Variants in PTPRN2 observed in about 807,000 individuals in gnomAD.
The protein encoded by PTPRN2 is protein tyrosine phosphatase receptor type N2, also known as receptor-type tyrosine-protein phosphatase N2.
Under a neutral mutation model 118.8 loss-of-function variants are expected in PTPRN2, and 74 were observed. The observed-to-expected ratio is 0.62, with a 90% CI of 0.52 to 0.76. The LOEUF (loss-of-function observed/expected upper bound fraction) is 0.76. Among genes scored for constraint, PTPRN2 ranks in the 30% least tolerant of loss-of-function variants. PTPRN2 has a pLI of 0.00. For missense variants in PTPRN2, 1,481 were observed against 1,394.4 expected (o/e 1.06, Z -0.99); for synonymous variants, 641 against 608.0 (o/e 1.05, Z -0.80).
At chr7:157,697,539 G>A (rs13311848) in intron 12 of PTPRN2, among the ~76,000 whole-genome samples, 41 of 104,992 alleles carry the variant, frequency 3.9e-4, no homozygotes, top group Middle Eastern at 0.014. Context: ...ACTGGATCTT[G>A]GCAGAGCCCT....
chr7:157,616,639 G>C (rs1802790680), intron 15 of PTPRN2: 1 of 152,080 alleles, frequency 6.6e-6, no homozygotes, highest in Admixed American at 6.5e-5. Context: ...GCCAGGCTGG[G>C]AGTCTCTCTC....
intron 11 of PTPRN2, among the ~76,000 whole-genome samples, chr7:158,077,436 A>G (rs1398223065): frequency 6.6e-6 from 1 of 152,208 alleles, no homozygotes; most frequent in Non-Finnish European, 1.5e-5. Context: ...TGGCAGCTGA[A>G]TGCCGTGTCT....
At chr7:158,385,893 C>T (rs1292516404) in intron 2 of PTPRN2, among the ~76,000 whole-genome samples, 3 of 151,404 alleles carry the variant, frequency 2.0e-5, no homozygotes, top group Admixed American at 2.0e-4. Context: ...GCCCCGAGTC[C>T]CTCCTTCCGT....
At position 157,596,070 on chromosome 7, in the gene PTPRN2, C is replaced by T. The variant is rs985546132; in HGVS notation, c.2419-755G>A. 1.3e-5 allele frequency among the ~76,000 whole-genome samples: 2 copies of T among 152,244 alleles called. No homozygotes were observed. Among genetic ancestry groups the T allele is most frequent in the African/African-American group, 2.4e-5 (1 of 41,462 alleles). ...CAGGAGAACGAGCCTCTTGCTAGAG[C>T]CACAGGGCTGGCTGGGGTGAGGCTG... On this transcript the variant is annotated intron_variant, in intron 16 of 22. Coordinates refer to ENST00000389418, the MANE Select transcript of PTPRN2 (RefSeq NM_002847.5). This position sits in a 1 kb window ranked among gnomAD's most constrained non-coding sequence, Gnocchi z 4.2.
chr7:157,596,268 C>T lies in PTPRN2; in HGVS notation c.2419-953G>A, dbSNP rs80009002. On this transcript the variant is annotated intron_variant, in intron 16 of 22. Transcript: ENST00000389418. This position sits in a 1 kb window ranked among gnomAD's most constrained non-coding sequence, Gnocchi z 4.2. The stretch of plus-strand genomic sequence containing the variant: ...TCCTGGAAAGGGGGCACAGGCACAG[C>T]CGGTCAGCCTGGGCCTGGGTCTGTG... 0.036 allele frequency among the ~76,000 whole-genome samples: 5,557 copies of T among 152,282 alleles called. 247 individuals carry two copies. The highest frequency in any genetic ancestry group is 0.12 in the East Asian group (625 of 5,172).
intron 3 of PTPRN2, among the ~76,000 whole-genome samples, chr7:158,218,657 C>T (rs571294446): frequency 1.6e-4 from 24 of 152,286 alleles, no homozygotes; most frequent in African/African-American, 5.8e-4. Context: ...GATAAAGAGG[C>T]AAGACCCAAC....
In PTPRN2 at chr7:157,539,700, C is replaced by T. The variant is rs3189441; in HGVS notation, c.*1014G>A. On this transcript the variant is annotated 3_prime_UTR_variant, in exon 23 of 23. Transcript: ENST00000389418. The stretch of plus-strand genomic sequence containing the variant: ...CGCAGTGCGTGCAGGTCGCCCTGAT[C>T]TCCTCTCCCGGGAGGGAAATGCTCG... 13,909 of 72,924 alleles carry T rather than the reference C, an allele frequency of 0.19. 682 individuals are homozygous for T. The highest frequency in any genetic ancestry group is 0.21 in the Admixed American group (1,690 of 8,198). The allele number at this position is 72,924 out of a possible 1,614,324, so 4.5% of individuals were successfully genotyped here.
chr7:157,840,251 C>A (rs1334203235), intron 12 of PTPRN2, among the ~76,000 whole-genome samples: 8 of 138,530 alleles, frequency 5.8e-5, no homozygotes, highest in Admixed American at 3.7e-4. Context: ...GACTGTGTAA[C>A]CGCGTGTGAC....
intron 12 of PTPRN2, among the ~76,000 whole-genome samples, chr7:157,829,138 T>C (rs546770194): frequency 1.3e-5 from 2 of 152,282 alleles, no homozygotes; most frequent in South Asian, 2.1e-4. Flanking sequence ...AAATATGTAA[T>C]ACATTTTTAA....
chr7:157,654,095 C>T (rs1377470908), intron 14 of PTPRN2, among the ~76,000 whole-genome samples: 1 of 69,410 alleles, frequency 1.4e-5, no homozygotes, highest in Non-Finnish European at 2.8e-5. Context: ...GACTCCACAC[C>T]ATGCCCGCCG....
chr7:158,320,517 AGCGCCAG>A (rs1802915778), intron 2 of PTPRN2, among the ~76,000 whole-genome samples: 7 of 57,364 alleles, frequency 1.2e-4, no homozygotes, highest in Non-Finnish European at 2.8e-4. Flanking sequence ...CATCCTCAGC[AGCGCCAG>A]GTGGCGTCCG....
intron 5 of PTPRN2, among the ~76,000 whole-genome samples, chr7:158,190,956 C>T (rs901179007): frequency 6.6e-6 from 1 of 152,276 alleles, no homozygotes; most frequent in Non-Finnish European, 1.5e-5. Flanking sequence ...CTTCCCCAGG[C>T]ACCACCTGCT....
At chr7:158,430,489 C>T (rs185985142) in intron 2 of PTPRN2, among the ~76,000 whole-genome samples, 10 of 152,340 alleles carry the variant, frequency 6.6e-5, no homozygotes, top group South Asian at 6.2e-4. Flanking sequence ...CTGTGGTTTG[C>T]GGGGCCTCGC....
At chr7:158,441,059 GGGGGTGGTA>G (rs1817051008) in intron 2 of PTPRN2, among the ~76,000 whole-genome samples, 4 of 56,028 alleles carry the variant, frequency 7.1e-5, no homozygotes, top group South Asian at 6.6e-4. Flanking sequence ...TGGTAGTGAT[GGGGGTGGTA>G]GTGATGGTGG....
chr7:158,026,639 A>C (rs1157466984), intron 11 of PTPRN2, among the ~76,000 whole-genome samples: 1 of 152,216 alleles, frequency 6.6e-6, no homozygotes, highest in Non-Finnish European at 1.5e-5. Flanking sequence ...GAGATGGTAC[A>C]GGAGGGAGCT....
chr7:158,555,130 G>A lies in PTPRN2; in HGVS notation c.112+32428C>T, dbSNP rs1021502229. Among the ~76,000 whole-genome samples, 3 of 152,212 alleles carry A rather than the reference G, an allele frequency of 2.0e-5. No individual in the cohort carries two copies. The highest frequency in any genetic ancestry group is 2.9e-5 in the Non-Finnish European group (2 of 68,046). Reference sequence around the variant, plus strand: ...TCACAGTGGAATGAGAGGAAAGCCTGTGAGAACAAACGGATCTCCGGTGCT... The same window carrying A: ...TCACAGTGGAATGAGAGGAAAGCCTATGAGAACAAACGGATCTCCGGTGCT... On this transcript the variant is annotated intron_variant, in intron 1 of 22. Transcript: ENST00000389418. This position sits in a 1 kb window ranked among gnomAD's most constrained non-coding sequence, Gnocchi z 4.7.
rs548076950 is a variant in PTPRN2, at chr7:157,579,618, G to A, written c.2497-1478C>T. Among the ~76,000 whole-genome samples, 100 of 152,360 alleles carry A rather than the reference G, an allele frequency of 6.6e-4. 1 individual carries two copies. The highest frequency in any genetic ancestry group is 2.2e-3 in the African/African-American group (92 of 41,592). ...ACATTACAGAGCCCCGTCGACTGGG[G>A]GGACCCGGACGGCCTGGAAGCCGCA... On this transcript the variant is annotated intron_variant, in intron 17 of 22. Coordinates refer to ENST00000389418, the MANE Select transcript of PTPRN2 (RefSeq NM_002847.5).
chr7:158,376,242 C>T (rs1244321668), intron 2 of PTPRN2, among the ~76,000 whole-genome samples: 1 of 152,106 alleles, frequency 6.6e-6, no homozygotes, highest in South Asian at 2.1e-4. Flanking sequence ...ACCCGTCACA[C>T]GTCCTGCATG....
intron 12 of PTPRN2, among the ~76,000 whole-genome samples, chr7:157,806,146 C>G (rs1429275753): frequency 6.6e-6 from 1 of 152,090 alleles, no homozygotes; most frequent in Non-Finnish European, 1.5e-5. Flanking sequence ...GTGATTGGAA[C>G]CAGAAGTGTC....
Sources: allele counts gnomAD v4.1 joint callset (sites outside exome capture counted in the v4.1 genomes callset), GRCh38; gene constraint gnomAD v4.1.1; non-coding constraint Gnocchi (gnomAD v3.1); transcripts MANE v1.5; gene names NCBI Gene and HGNC (gene_info 2026-07-23, HGNC 2026-07-21).